SSX1: variants seen among roughly 807,000 people sequenced by gnomAD.
SSX1 encodes SSX family member 1, also known as protein SSX1.
In SSX1, 58 loss-of-function variants were observed where a neutral mutation model predicts 14.6. The ratio of observed to expected loss-of-function variants is 3.96; its 90% CI spans 3.21 to 4.93. The LOEUF (loss-of-function observed/expected upper bound fraction) is 4.93, where lower values mean the gene tolerates loss of function less well. SSX1 is among the 30% of genes most tolerant of loss of function. The pLI is 0.00. For missense variants in SSX1, 272 were observed against 143.1 expected, an observed-to-expected ratio of 1.90 and a Z score of -4.60; for synonymous variants, 46 against 52.1, an observed-to-expected ratio of 0.88 and a Z score of 0.50.
chrX:48,258,564 G>T lies in SSX1; in HGVS notation c.213G>T (p.Met71Ile), dbSNP rs782596185. 2 of 1,206,332 alleles carry T rather than the reference G, an allele frequency of 1.7e-6. No homozygotes were observed. Among genetic ancestry groups the T allele is most frequent in the Non-Finnish European group, 1.1e-6 (1 of 893,328 alleles). The change falls in exon 4 of 8, where the codon ATG becomes ATT. Residue 71 changes from methionine to isoleucine, a missense_variant. Physicochemically the swap from Met to Ile is conservative, Grantham distance 10 (BLOSUM62 1). Coordinates refer to ENST00000376919, the MANE Select transcript of SSX1 (RefSeq NM_005635.4). ...TCAAAGTCACCCTCCCACCTTTCATGTGTAATAAACAGGCCACAGACTTCC... is the reference window on the plus strand; with the variant it reads ...TCAAAGTCACCCTCCCACCTTTCATTTGTAATAAACAGGCCACAGACTTCC... ...LGFKVTLPPF[M>I]CNKQATDFQG...
chrX:48,260,303 G>A lies in SSX1; in HGVS notation c.281-1463G>A, dbSNP rs781911428. 3.6e-5 allele frequency among the ~76,000 whole-genome samples: 4 copies of A among 110,134 alleles called. No homozygotes were observed. The South Asian group carries it at 1.6e-3, about 44-fold the overall frequency. On this transcript the variant is annotated intron_variant, in intron 4 of 7. Coordinates refer to ENST00000376919, the MANE Select transcript of SSX1 (RefSeq NM_005635.4). ...TGCCCACTTTTTGATGGGGTTGTTT[G>A]TTTTTTTCTTGTAAATTTGTTTGAG...
rs1417297013 is a variant in SSX1, at chrX:48,257,183, G to A, written c.-20-39G>A. The A allele has an allele frequency of 2.6e-6, 3 of 1,163,939 alleles. No individual in the cohort carries two copies. The African/African-American group carries it at 5.3e-5, about 21-fold the overall frequency. On this transcript the variant is annotated intron_variant, in intron 1 of 7. Coordinates refer to ENST00000376919, the MANE Select transcript of SSX1 (RefSeq NM_005635.4). ...GATTTCTCCCTCCATAGGACCAAGG[G>A]TCCTGTAGCTAGAAAGTCTCAGGCT...
chrX:48,256,562 A>G (rs1242425072), intron 1 of SSX1, among the ~76,000 whole-genome samples: 1 of 102,579 alleles, frequency 9.7e-6, no homozygotes, highest in Non-Finnish European at 2.0e-5. Flanking sequence ...CGGCCTCCCA[A>G]AATGCTGGGA....
chrX:48,256,416 G>A (rs2059581570), intron 1 of SSX1, among the ~76,000 whole-genome samples: 1 of 103,705 alleles, frequency 9.6e-6, no homozygotes, highest in African/African-American at 3.5e-5. Context: ...AGATGTTATA[G>A]GCCTGTGCCA....
rs1404281626 is a variant in SSX1, at chrX:48,260,691, A to G, written c.281-1075A>G. On this transcript the variant is annotated intron_variant, in intron 4 of 7. Transcript: ENST00000376919. ...TCTCAGGATACAAAATCAATGTACA[A>G]AAATCACAAGCATTCTTATACACCA... Among the ~76,000 whole-genome samples, 62 of 111,701 alleles carry G rather than the reference A, an allele frequency of 5.6e-4. 1 individual carries two copies. Among genetic ancestry groups the G allele is most frequent in the African/African-American group, 1.9e-3 (57 of 30,747 alleles).
chrX:48,258,194 T>C (rs1440696938), intron 3 of SSX1, among the ~76,000 whole-genome samples: 7 of 90,620 alleles, frequency 7.7e-5, no homozygotes, highest in African/African-American at 2.8e-4. Context: ...CCTTTTTTTT[T>C]TTTTTTTTTT....
chrX:48,262,177 C>T (rs1342800587), intron 5 of SSX1, among the ~76,000 whole-genome samples: 1 of 112,095 alleles, frequency 8.9e-6, no homozygotes, highest in African/African-American at 3.2e-5. Context: ...TCTAAGTTAT[C>T]GGAGCTCCAG....
In SSX1 at chrX:48,267,259, AC is replaced by A; in HGVS notation, c.*411del. On this transcript the variant is annotated 3_prime_UTR_variant, in exon 8 of 8. Coordinates refer to ENST00000376919, the MANE Select transcript of SSX1 (RefSeq NM_005635.4). ...TTCAGACTTTTTCCTCTGCATTTAC[AC>A]ACACACACACACACACACGCACACA... The A allele has an allele frequency of 1.6e-5, 3 of 187,581 alleles. No homozygotes were observed. Among genetic ancestry groups the A allele is most frequent in the Non-Finnish European group, 2.8e-5 (3 of 108,210 alleles). The allele number at this position is 187,581 out of a possible 1,213,427, so 15.5% of individuals were successfully genotyped here. A position where few individuals can be genotyped will look rare whatever the true frequency, so the allele number is the denominator to read the frequency against.
chrX:48,257,253 C>T lies in SSX1; in HGVS notation c.12C>T (p.Asp4=), dbSNP rs375501305. 53 of 1,209,115 alleles carry T rather than the reference C, an allele frequency of 4.4e-5. No individual in the cohort carries two copies. The highest frequency in any genetic ancestry group is 1.1e-4 in the African/African-American group (6 of 57,131). ...CTGCTCCTGGTGCCATGAACGGAGA[C>T]GACACCTTTGCAAAGAGACCCAGGG... MNG[D]DTFAKRPRDD... Residue 4 remains aspartate, a synonymous_variant, in exon 2 of 8, where the codon GAC becomes GAT. Coordinates refer to ENST00000376919, the MANE Select transcript of SSX1 (RefSeq NM_005635.4).
rs782275685 is a variant in SSX1 at position 48,263,801 on chromosome X, C to G, written c.350C>G (p.Ala117Gly). ...ATAAAGATCATGCCCAAGAAGCCAG[C>G]AGAGGACGAAAATGATTCGAAGGGA... is the stretch of plus-strand genomic sequence containing the variant. ...IIPKIMPKKP[A>G]EDENDSKGVS... is the part of the protein sequence containing the mutation. Residue 117 changes from alanine to glycine, a missense_variant, in exon 6 of 8, where the codon GCA becomes GGA. Physicochemically the swap from Ala to Gly is moderately conservative, Grantham distance 60. Transcript: ENST00000376919. 8.3e-7 allele frequency: 1 copy of G among 1,209,666 alleles called. No homozygotes were observed. The highest frequency in any genetic ancestry group is 1.1e-6 in the Non-Finnish European group (1 of 895,075).
chrX:48,262,207 G>T (rs565189949), intron 5 of SSX1, among the ~76,000 whole-genome samples: 4 of 112,224 alleles, frequency 3.6e-5, no homozygotes, highest in East Asian at 2.8e-4. Flanking sequence ...CCATGAAATG[G>T]AAGTAAAGAA....
chrX:48,256,765 C>T (rs1385265198), intron 1 of SSX1, among the ~76,000 whole-genome samples: 1 of 44,374 alleles, frequency 2.3e-5, no homozygotes, highest in Non-Finnish European at 5.4e-5. Context: ...CAGAACAGAA[C>T]CCCCCCATCC....
In SSX1 at chrX:48,266,205, G is replaced by T. The variant is rs1311178135; in HGVS notation, c.467-82G>T. The T allele has an allele frequency of 3.3e-6, 4 of 1,198,286 alleles. No homozygotes were observed. In the East Asian group the frequency reaches 8.9e-5, roughly 27 times the overall value. Reference sequence around the variant, plus strand: ...GCCCATGGGCACTTGGGAGGGAGGAGGCATCTCCTTTTTTTGAGAAAACAG... The same window carrying T: ...GCCCATGGGCACTTGGGAGGGAGGATGCATCTCCTTTTTTTGAGAAAACAG... On this transcript the variant is annotated intron_variant, in intron 6 of 7. Transcript: ENST00000376919.
chrX:48,258,592 G>A lies in SSX1; in HGVS notation c.241G>A (p.Gly81Arg), dbSNP rs1556934949. The A allele has an allele frequency of 8.3e-7, 1 of 1,208,998 alleles. No individual in the cohort carries two copies. ...MCNKQATDFQ[G>R]NDFDNDHNRR... ...TAATAAACAGGCCACAGACTTCCAGGGGAATGATTTTGATAATGACCATAA... is the reference window on the plus strand; with the variant it reads ...TAATAAACAGGCCACAGACTTCCAGAGGAATGATTTTGATAATGACCATAA... The change falls in exon 4 of 8, where the codon GGG becomes AGG. Residue 81 changes from glycine to arginine, a missense_variant. Gly to Arg is a moderately radical substitution (Grantham distance 125). Transcript: ENST00000376919.
At chrX:48,260,568 C>A (rs2059600498) in intron 4 of SSX1, among the ~76,000 whole-genome samples, 1 of 111,453 alleles carries the variant, frequency 9.0e-6, no homozygotes, top group African/African-American at 3.3e-5. Flanking sequence ...AAGAGGAAGT[C>A]AAATTGTCCC....
At chrX:48,258,958 T>C (rs1340817565) in intron 4 of SSX1, among the ~76,000 whole-genome samples, 2 of 110,222 alleles carry the variant, frequency 1.8e-5, no homozygotes, top group Non-Finnish European at 3.8e-5. Context: ...ACAGCTTCAG[T>C]CATGACTTGT....
At chrX:48,265,560 T>C (rs1296744517) in intron 6 of SSX1, among the ~76,000 whole-genome samples, 4 of 110,823 alleles carry the variant, frequency 3.6e-5, no homozygotes, top group African/African-American at 6.6e-5. Context: ...TAGGTGGAGT[T>C]CCTGTTACCC....
chrX:48,263,936 G>A lies in SSX1; in HGVS notation c.466+19G>A. On this transcript the variant is annotated intron_variant, in intron 6 of 7. Coordinates refer to ENST00000376919, the MANE Select transcript of SSX1 (RefSeq NM_005635.4). ...AGATCTGGTAAGAGGAAATGATTTGGGAACAACTTCTCTGGCTTTTCTGGC... is the reference window on the plus strand; with the variant it reads ...AGATCTGGTAAGAGGAAATGATTTGAGAACAACTTCTCTGGCTTTTCTGGC... 8.3e-7 allele frequency: 1 copy of A among 1,207,425 alleles called. No individual in the cohort carries two copies.
chrX:48,263,629 A>G (rs1455860938), intron 5 of SSX1, among the ~76,000 whole-genome samples, 153 bp from the exon 6 acceptor site: 1 of 111,176 alleles, frequency 9.0e-6, no homozygotes, highest in Non-Finnish European at 1.9e-5. Context: ...TTTGCTTCTA[A>G]TCTCCCAGGT....
Sources: allele counts gnomAD v4.1 joint callset (sites outside exome capture counted in the v4.1 genomes callset), GRCh38; gene constraint gnomAD v4.1.1; transcripts MANE v1.5; gene names NCBI Gene and HGNC (gene_info 2026-07-23, HGNC 2026-07-21).